NCKAP5: variants seen among roughly 807,000 people sequenced by gnomAD.
The protein encoded by NCKAP5 is NCK associated protein 5, also known as nck-associated protein 5.
NCKAP5 carries 92 observed loss-of-function variants against 167.0 expected under a neutral mutation model. The observed-to-expected ratio is 0.55, with a 90% CI of 0.47 to 0.66. The LOEUF is 0.66. NCKAP5 is among the 30% of genes least tolerant of loss of function. The pLI, the probability that NCKAP5 is intolerant of heterozygous loss-of-function variation, is 0.00. For missense variants in NCKAP5, 2,378 were observed against 2,315.0 expected, an observed-to-expected ratio of 1.03 and a Z score of -0.56; for synonymous variants, 891 against 877.4, an observed-to-expected ratio of 1.02 and a Z score of -0.27.
intron 17 of NCKAP5, among the ~76,000 whole-genome samples, chr2:132,730,682 A>G (rs1392641314): frequency 1.3e-5 from 2 of 152,238 alleles, no homozygotes; most frequent in South Asian, 2.1e-4. Flanking sequence ...AATTGAGGTC[A>G]CATATGTGAC....
intron 4 of NCKAP5, among the ~76,000 whole-genome samples, chr2:133,242,158 C>CA (rs1221800757): frequency 4.8e-5 from 7 of 147,246 alleles, no homozygotes; most frequent in Non-Finnish European, 1.0e-4. Flanking sequence ...ATGACCAAGG[C>CA]AAAATAGCTC....
intron 2 of NCKAP5, among the ~76,000 whole-genome samples, chr2:133,542,913 T>C (rs906257203): frequency 3.3e-5 from 5 of 152,194 alleles, no homozygotes; most frequent in Admixed American, 3.3e-4. Flanking sequence ...AAAATGGAAA[T>C]AACAACACTA....
chr2:133,437,534 C>G (rs549311819), intron 3 of NCKAP5, among the ~76,000 whole-genome samples: 1 of 152,248 alleles, frequency 6.6e-6, no homozygotes, highest in East Asian at 1.9e-4. Flanking sequence ...TCTTTCTCAG[C>G]TGAATATTAC....
intron 19 of NCKAP5, among the ~76,000 whole-genome samples, chr2:132,699,190 T>C (rs1687634925): frequency 6.6e-6 from 1 of 152,150 alleles, no homozygotes; most frequent in African/African-American, 2.4e-5. Flanking sequence ...CTCTGCACTC[T>C]CTCTTTATGG....
At chr2:132,926,108 G>T in intron 8 of NCKAP5, 1 of 314,256 alleles carries the variant, frequency 3.2e-6, no homozygotes, top group East Asian at 8.5e-5. Context: ...ACATTATTTA[G>T]TTCCCACTTA....
intron 8 of NCKAP5, among the ~76,000 whole-genome samples, chr2:132,953,254 T>G (rs1296524378): frequency 1.3e-5 from 2 of 152,190 alleles, no homozygotes; most frequent in African/African-American, 4.8e-5. Flanking sequence ...CAGGCTTTTC[T>G]GCTTTTGTCT....
chr2:132,911,654 G>T (rs753145346), intron 8 of NCKAP5, among the ~76,000 whole-genome samples: 25 of 152,092 alleles, frequency 1.6e-4, no homozygotes, highest in Non-Finnish European at 3.2e-4. Context: ...ACATGTAAAT[G>T]CTGGCACTGT....
chr2:132,789,938 C>T lies in NCKAP5; in HGVS notation c.1092+85G>A, dbSNP rs1362630195. On this transcript the variant is annotated intron_variant, in intron 13 of 19. Transcript: ENST00000409261. ...AGCAAATGGTGGCTTCCTTCTTACC[C>T]CTCCCACCTGCCCTTCATCTCCATG... The T allele has an allele frequency of 2.2e-6, 3 of 1,358,836 alleles. No individual in the cohort carries two copies. The Admixed American group carries it at 7.4e-5, about 33-fold the overall frequency. The allele number at this position is 1,358,836 out of a possible 1,614,324, so 84.2% of individuals were successfully genotyped here. A position where few individuals can be genotyped will look rare whatever the true frequency, so the allele number is the denominator to read the frequency against.
At chr2:132,884,207 C>T (rs1245329762) in intron 8 of NCKAP5, among the ~76,000 whole-genome samples, 1 of 152,246 alleles carries the variant, frequency 6.6e-6, no homozygotes, top group Non-Finnish European at 1.5e-5. Flanking sequence ...AATGGACAGA[C>T]ATCTGCCACA....
intron 19 of NCKAP5, among the ~76,000 whole-genome samples, chr2:132,707,943 C>A (rs1385490762): frequency 6.6e-6 from 1 of 151,958 alleles, no homozygotes; most frequent in Non-Finnish European, 1.5e-5. Flanking sequence ...CAAGATATAC[C>A]CGGGATGATA....
At chr2:132,838,488 C>T (rs186080664) in intron 11 of NCKAP5, among the ~76,000 whole-genome samples, 69 of 152,088 alleles carry the variant, frequency 4.5e-4, no homozygotes, top group Non-Finnish European at 8.2e-4. Context: ...AAAAATTAGC[C>T]GGGCGTGGTG....
intron 5 of NCKAP5, among the ~76,000 whole-genome samples, chr2:133,159,826 T>C (rs1304750986): frequency 6.6e-6 from 1 of 152,192 alleles, no homozygotes; most frequent in African/African-American, 2.4e-5. Context: ...AAAGCTTGAC[T>C]GGAATGGCAA....
the NCKAP5 span, among the ~76,000 whole-genome samples, chr2:133,662,270 C>A: frequency 6.6e-5 from 10 of 152,160 alleles, no homozygotes; most frequent in Admixed American, 6.5e-4. Context: ...TCTGAAAAAG[C>A]AAATAGTGTA....
chr2:132,998,601 C>CT (rs1462232274), intron 6 of NCKAP5, among the ~76,000 whole-genome samples: 1 of 152,104 alleles, frequency 6.6e-6, no homozygotes, highest in African/African-American at 2.4e-5. Context: ...CTGATGACAT[C>CT]TTTTTTTAAA....
At chr2:132,855,093 C>T (rs747675116) in intron 11 of NCKAP5, among the ~76,000 whole-genome samples, 1 of 152,118 alleles carries the variant, frequency 6.6e-6, no homozygotes, top group Non-Finnish European at 1.5e-5. Flanking sequence ...CTTACTTGAT[C>T]CCAAACCAAC....
chr2:132,904,116 A>G (rs1455832097), intron 8 of NCKAP5, among the ~76,000 whole-genome samples: 1 of 151,746 alleles, frequency 6.6e-6, no homozygotes, highest in Non-Finnish European at 1.5e-5. Context: ...GTGAAACCCC[A>G]TCTCTACTAA....
intron 7 of NCKAP5, 57 bp from the exon 8 acceptor site, chr2:132,963,926 T>C: frequency 1.3e-6 from 2 of 1,590,612 alleles, no homozygotes; most frequent in Admixed American, 1.7e-5. Context: ...TAAGCATGAG[T>C]GTGAGGCTGA....
rs189204149 is a variant in NCKAP5 at position 133,361,682 on chromosome 2, G to C, written c.70-58572C>G. Among the ~76,000 whole-genome samples the C allele has an allele frequency of 3.7e-4, 56 of 152,288 alleles. No individual in the cohort carries two copies. The East Asian group carries it at 0.01, about 28-fold the overall frequency. On this transcript the variant is annotated intron_variant, in intron 3 of 19. Coordinates refer to ENST00000409261, the MANE Select transcript of NCKAP5 (RefSeq NM_207363.3). ...TCCCATGTTAAACTAACAGTTTGTA[G>C]CTTGATGGGTTGAACATTGGAAAGA... is the stretch of plus-strand genomic sequence containing the variant.
At chr2:132,699,179 A>G (rs576467863) in intron 19 of NCKAP5, among the ~76,000 whole-genome samples, 4 of 151,972 alleles carry the variant, frequency 2.6e-5, no homozygotes, top group African/African-American at 9.6e-5. Context: ...CTGCTCCTCC[A>G]CTCTGCACTC....
Sources: allele counts gnomAD v4.1 joint callset (sites outside exome capture counted in the v4.1 genomes callset), GRCh38; gene constraint gnomAD v4.1.1; transcripts MANE v1.5; gene names NCBI Gene and HGNC (gene_info 2026-07-23, HGNC 2026-07-21).